Variants in CSMD1 observed in about 807,000 individuals in gnomAD.
The protein encoded by CSMD1 is CUB and sushi domain-containing protein 1.
Under a neutral mutation model 417.5 loss-of-function variants are expected in CSMD1, and 213 were observed. The ratio of observed to expected loss-of-function variants is 0.51; its 90% CI spans 0.46 to 0.57. The LOEUF (loss-of-function observed/expected upper bound fraction) is 0.57, where lower values mean the gene tolerates loss of function less well. Ranked by LOEUF, CSMD1 falls within the 20% of genes least tolerant of loss-of-function variation. The pLI, the probability that CSMD1 is intolerant of heterozygous loss-of-function variation, is 0.00. For missense variants in CSMD1, 6,923 were observed against 4,529.7 expected, an observed-to-expected ratio of 1.53 and a Z score of -15.17; for synonymous variants, 2,862 against 1,736.8, an observed-to-expected ratio of 1.65 and a Z score of -16.11.
At chr8:4,086,750 C>A (rs1800442477) in intron 3 of CSMD1, among the ~76,000 whole-genome samples, 1 of 152,184 alleles carries the variant, frequency 6.6e-6, no homozygotes, top group Non-Finnish European at 1.5e-5. Flanking sequence ...AGTTTCTGGT[C>A]AATTAATTCT....
intron 1 of CSMD1, among the ~76,000 whole-genome samples, chr8:4,819,178 C>T (rs1009318495): frequency 2.0e-5 from 3 of 152,122 alleles, no homozygotes; most frequent in African/African-American, 4.8e-5. Context: ...TCTCAAGGAA[C>T]ACACATTCAA....
chr8:3,893,070 G>C (rs913823819), intron 5 of CSMD1, among the ~76,000 whole-genome samples: 4 of 151,684 alleles, frequency 2.6e-5, no homozygotes, highest in African/African-American at 9.7e-5. Flanking sequence ...AAGTATGCTG[G>C]AGAAATGCTG....
chr8:4,827,321 A>G (rs1799891575), intron 1 of CSMD1, among the ~76,000 whole-genome samples: 2 of 152,138 alleles, frequency 1.3e-5, no homozygotes. Flanking sequence ...TTTTCATTTT[A>G]TCTTAACCCT....
At chr8:3,646,007 G>T (rs898204013) in intron 7 of CSMD1, among the ~76,000 whole-genome samples, 3 of 151,240 alleles carry the variant, frequency 2.0e-5, no homozygotes, top group East Asian at 3.9e-4. Context: ...CGCAATTTCT[G>T]TTATAGCATT....
chr8:4,899,894 G>T (rs537717086), intron 1 of CSMD1, among the ~76,000 whole-genome samples: 2 of 152,120 alleles, frequency 1.3e-5, no homozygotes, highest in Non-Finnish European at 2.9e-5. Context: ...CCTTTCAGCT[G>T]CTCTGTCCCT....
At chr8:3,695,395 A>C (rs1391228883) in intron 7 of CSMD1, among the ~76,000 whole-genome samples, 2 of 149,282 alleles carry the variant, frequency 1.3e-5, no homozygotes, top group African/African-American at 5.2e-5. Flanking sequence ...CTGTATGCTA[A>C]AACTCACTTT....
chr8:4,830,894 T>C (rs934078054), intron 1 of CSMD1, among the ~76,000 whole-genome samples: 1 of 152,152 alleles, frequency 6.6e-6, no homozygotes, highest in African/African-American at 2.4e-5. Flanking sequence ...TCCTCTAGAA[T>C]AGAGTCTAAT....
At chr8:4,376,133 A>G (rs1437674502) in intron 3 of CSMD1, among the ~76,000 whole-genome samples, 1 of 152,244 alleles carries the variant, frequency 6.6e-6, no homozygotes, top group African/African-American at 2.4e-5. Context: ...ATGGAAATGC[A>G]CTGCAAACTT....
intron 28 of CSMD1, among the ~76,000 whole-genome samples, 158 bp from the exon 29 acceptor site, chr8:3,219,600 T>G (rs1798085228): frequency 6.6e-6 from 1 of 152,176 alleles, no homozygotes; most frequent in South Asian, 2.1e-4. Context: ...ATCAAAATAT[T>G]AATAAAATAG....
intron 7 of CSMD1, among the ~76,000 whole-genome samples, chr8:3,686,253 G>A (rs940863505): frequency 3.3e-5 from 5 of 152,128 alleles, no homozygotes; most frequent in African/African-American, 9.7e-5. Flanking sequence ...TAATCAGAGC[G>A]CTTGGAATAC....
chr8:4,934,067 G>A (rs981597525), intron 1 of CSMD1, among the ~76,000 whole-genome samples: 3 of 152,040 alleles, frequency 2.0e-5, no homozygotes, highest in African/African-American at 7.2e-5. Flanking sequence ...TGCAAAGAAG[G>A]TCTCCATGAA....
chr8:3,951,241 G>C (rs990381194), intron 5 of CSMD1, among the ~76,000 whole-genome samples: 3 of 152,196 alleles, frequency 2.0e-5, no homozygotes, highest in South Asian at 2.1e-4. Context: ...GCACGGGTCT[G>C]ACGGTGACTG....
chr8:3,917,087 T>C (rs1204644362), intron 5 of CSMD1, among the ~76,000 whole-genome samples: 1 of 152,186 alleles, frequency 6.6e-6, no homozygotes, highest in Non-Finnish European at 1.5e-5. Context: ...ACACCAGGCA[T>C]TTATTCAGAA....
intron 5 of CSMD1, among the ~76,000 whole-genome samples, chr8:3,882,162 G>A (rs1038577164): frequency 5.3e-5 from 8 of 151,946 alleles, no homozygotes; most frequent in African/African-American, 1.9e-4. Context: ...CAAGATTTGT[G>A]TACAGAATAT....
intron 2 of CSMD1, among the ~76,000 whole-genome samples, chr8:4,456,752 A>G (rs1799512065): frequency 6.6e-6 from 1 of 152,094 alleles, no homozygotes; most frequent in Non-Finnish European, 1.5e-5. Flanking sequence ...TAGTTGCTAG[A>G]TCCTAGGGAG....
chr8:3,989,549 G>A (rs976590582), intron 5 of CSMD1, among the ~76,000 whole-genome samples: 2 of 152,150 alleles, frequency 1.3e-5, no homozygotes, highest in Non-Finnish European at 2.9e-5. Context: ...TATTTATGAT[G>A]CAGTTCCTTT....
chr8:4,429,308 C>G lies in CSMD1; in HGVS notation c.303-9243G>C, dbSNP rs111795196. 6.7e-3 allele frequency among the ~76,000 whole-genome samples: 1,025 copies of G among 152,172 alleles called. 10 individuals are homozygous for G. Among genetic ancestry groups the G allele is most frequent in the African/African-American group, 0.024 (979 of 41,520 alleles). ...ATAATTTCTCATCAATTTTGCTTCA[C>G]TGCTCTTCAAGAGCTTTACATGTGT... On this transcript the variant is annotated intron_variant, in intron 2 of 69. Coordinates refer to ENST00000635120, the MANE Select transcript of CSMD1 (RefSeq NM_033225.6).
chr8:4,960,668 C>G (rs572558397), intron 1 of CSMD1, among the ~76,000 whole-genome samples: 1 of 152,094 alleles, frequency 6.6e-6, no homozygotes, highest in Non-Finnish European at 1.5e-5. Flanking sequence ...TCCATTCATA[C>G]GTACATACAT....
At chr8:3,129,138 T>C (rs1817661705) in intron 41 of CSMD1, among the ~76,000 whole-genome samples, 1 of 152,176 alleles carries the variant, frequency 6.6e-6, no homozygotes, top group South Asian at 2.1e-4. Flanking sequence ...AGGCCCACTT[T>C]GCCAGGGTTC....
Sources: gnomAD v4.1 joint callset for allele counts (sites outside exome capture counted in the v4.1 genomes callset) on GRCh38, gnomAD v4.1.1 for gene constraint, MANE v1.5 for transcripts, NCBI Gene and HGNC (gene_info 2026-07-23, HGNC 2026-07-21) for gene names.